Variants in LRIG1 observed in about 807,000 individuals in gnomAD.
The protein encoded by LRIG1 is leucine rich repeats and immunoglobulin like domains 1.
LRIG1 carries 48 observed loss-of-function variants against 99.2 expected under a neutral mutation model. The observed-to-expected ratio is 0.48, with a 90% CI of 0.38 to 0.62. The LOEUF (loss-of-function observed/expected upper bound fraction) is 0.62. LRIG1 is among the 20% of genes least tolerant of loss of function. The pLI is 0.00. For missense variants in LRIG1, 1,646 were observed against 1,434.4 expected (o/e 1.15, Z -2.38); for synonymous variants, 772 against 596.1 (o/e 1.29, Z -4.30).
chr3:66,433,985 T>C (rs190197644), intron 3 of LRIG1, among the ~76,000 whole-genome samples: 79 of 152,316 alleles, frequency 5.2e-4, no homozygotes, highest in Non-Finnish European at 8.4e-4. Flanking sequence ...AAACTACAGA[T>C]CTTTTAAGAG....
intron 7 of LRIG1, 89 bp downstream of exon 7, chr3:66,410,040 A>C: frequency 1.4e-6 from 2 of 1,394,972 alleles, no homozygotes; most frequent in South Asian, 2.8e-5. Context: ...CCCCGAGGCC[A>C]CTGTGTGGTG....
intron 15 of LRIG1, among the ~76,000 whole-genome samples, 159 bp downstream of exon 15, chr3:66,382,823 T>TTAAG (rs1701160959): frequency 6.6e-6 from 1 of 151,424 alleles, no homozygotes; most frequent in South Asian, 2.1e-4. Context: ...CTGTTTAAGG[T>TTAAG]TAAGTTCCTC....
intron 6 of LRIG1, among the ~76,000 whole-genome samples, chr3:66,412,282 G>A (rs553828663): frequency 6.6e-6 from 1 of 152,338 alleles, no homozygotes; most frequent in Non-Finnish European, 1.5e-5. Context: ...GTCAAACCCA[G>A]AAGGGGAGAG....
chr3:66,394,864 G>T (rs1701781975), intron 11 of LRIG1, among the ~76,000 whole-genome samples: 1 of 152,226 alleles, frequency 6.6e-6, no homozygotes, highest in African/African-American at 2.4e-5. Flanking sequence ...GGGGCCGGCA[G>T]AATTCGGCTC....
intron 3 of LRIG1, among the ~76,000 whole-genome samples, chr3:66,418,124 GCT>G (rs935757516): frequency 1.3e-4 from 20 of 151,198 alleles, no homozygotes; most frequent in African/African-American, 4.9e-4. Flanking sequence ...ACAGAGTCTC[GCT>G]CTGTCGCCAG....
chr3:66,405,519 C>A (rs1251702632), intron 8 of LRIG1, among the ~76,000 whole-genome samples: 1 of 152,204 alleles, frequency 6.6e-6, no homozygotes, highest in Non-Finnish European at 1.5e-5. Context: ...GCCTCCCTGT[C>A]TGCGGAGGCC....
chr3:66,422,418 C>T (rs1426536801), intron 3 of LRIG1, among the ~76,000 whole-genome samples: 1 of 152,208 alleles, frequency 6.6e-6, no homozygotes, highest in Non-Finnish European at 1.5e-5. Context: ...CCTAAATCAT[C>T]TCTCTCAAGT....
At position 66,485,048 on chromosome 3, in the gene LRIG1, C is replaced by G. The variant is rs892260705; in HGVS notation, c.218+15142G>C. ...TGGTGCACACCTGTAGCCTCAGCTG[C>G]TCAGGAGGCTGAGGTGGGAAAATTG... On this transcript the variant is annotated intron_variant, in intron 1 of 18. Transcript: ENST00000273261. 2.0e-5 allele frequency among the ~76,000 whole-genome samples: 3 copies of G among 151,512 alleles called. No individual in the cohort carries two copies. In the South Asian group the frequency reaches 6.2e-4, roughly 31 times the overall value.
intron 3 of LRIG1, among the ~76,000 whole-genome samples, chr3:66,449,767 T>C (rs896040382): frequency 6.6e-6 from 1 of 152,194 alleles, no homozygotes; most frequent in Non-Finnish European, 1.5e-5. Context: ...CTCAGTTTCC[T>C]CTCTGACAAC....
chr3:66,446,699 C>A (rs895296870), intron 3 of LRIG1, among the ~76,000 whole-genome samples: 10 of 152,206 alleles, frequency 6.6e-5, no homozygotes, highest in African/African-American at 2.4e-4. Flanking sequence ...AGCCACCATG[C>A]CCGGCCTTCC....
At chr3:66,417,785 A>C (rs1472110610) in intron 3 of LRIG1, among the ~76,000 whole-genome samples, 4 of 143,198 alleles carry the variant, frequency 2.8e-5, no homozygotes, top group Non-Finnish European at 6.2e-5. Context: ...GGATTTAAAC[A>C]AAAAGAAAAA....
At chr3:66,499,545 G>C (rs536675174) in intron 1 of LRIG1, among the ~76,000 whole-genome samples, 47 of 152,328 alleles carry the variant, frequency 3.1e-4, no homozygotes, top group Non-Finnish European at 5.1e-4. Flanking sequence ...CAGGTCGCCA[G>C]GAACTGTCAA....
intron 1 of LRIG1, among the ~76,000 whole-genome samples, chr3:66,471,912 C>A (rs2106868461): frequency 6.6e-6 from 1 of 152,242 alleles, no homozygotes; most frequent in East Asian, 1.9e-4. Flanking sequence ...CGCCCCTGGC[C>A]CCTGCTAAAT....
chr3:66,381,252 T>C (rs1701043020), intron 17 of LRIG1, among the ~76,000 whole-genome samples: 1 of 152,216 alleles, frequency 6.6e-6, no homozygotes, highest in Non-Finnish European at 1.5e-5. Context: ...TTAAGTTGCT[T>C]ATACATCTAG....
At chr3:66,441,998 C>T (rs17832432) in intron 3 of LRIG1, among the ~76,000 whole-genome samples, 18,737 of 152,210 alleles carry the variant, frequency 0.12, 1,350 homozygotes, top group Non-Finnish European at 0.16. Flanking sequence ...AGAGCAACGC[C>T]TGCCAATATC....
chr3:66,453,672 T>C (rs1279730699), intron 2 of LRIG1, among the ~76,000 whole-genome samples: 4 of 152,170 alleles, frequency 2.6e-5, no homozygotes, highest in Non-Finnish European at 1.5e-5. Context: ...GTCATGCTAC[T>C]AGAGAGGACA....
intron 3 of LRIG1, among the ~76,000 whole-genome samples, chr3:66,421,398 T>C (rs762290917): frequency 2.6e-5 from 4 of 152,174 alleles, no homozygotes; most frequent in Admixed American, 6.5e-5. Flanking sequence ...GGTATCAGTA[T>C]TGGGTAAATA....
At chr3:66,448,129 A>C (rs1434564233) in intron 3 of LRIG1, among the ~76,000 whole-genome samples, 1 of 152,206 alleles carries the variant, frequency 6.6e-6, no homozygotes, top group African/African-American at 2.4e-5. Context: ...ATGTTAACTG[A>C]ATTAGATTCC....
At chr3:66,426,183 T>C (rs573330955) in intron 3 of LRIG1, among the ~76,000 whole-genome samples, 3 of 152,362 alleles carry the variant, frequency 2.0e-5, no homozygotes, top group East Asian at 1.9e-4. Context: ...AGCAAACTTA[T>C]TCTACATTGG....
Sources: allele counts gnomAD v4.1 joint callset (sites outside exome capture counted in the v4.1 genomes callset), GRCh38; gene constraint gnomAD v4.1.1; transcripts MANE v1.5; gene names NCBI Gene and HGNC (gene_info 2026-07-23, HGNC 2026-07-21).